DROSHA: variants seen among roughly 807,000 people sequenced by gnomAD.
DROSHA encodes the protein ribonuclease 3.
In DROSHA, 56 loss-of-function variants were observed where a neutral mutation model predicts 181.9. The ratio of observed to expected loss-of-function variants is 0.31; its 90% confidence interval spans 0.25 to 0.38. The LOEUF is 0.38. DROSHA is among the 10% of genes least tolerant of loss of function. The probability of loss-of-function intolerance (pLI) is 1.00; values close to 1 mark genes in which losing one functional copy is unlikely to be tolerated. For synonymous variants in DROSHA, 524 were observed against 591.2 expected, an observed-to-expected ratio of 0.89 and a Z score of 1.65; for missense variants, 1,218 against 1,743.5, an observed-to-expected ratio of 0.70 and a Z score of 5.37.
chr5:31,497,536 A>G (rs748485303), intron 11 of DROSHA, among the ~76,000 whole-genome samples: 13 of 152,198 alleles, frequency 8.5e-5, no homozygotes, highest in Non-Finnish European at 1.5e-4. Context: ...CCTGGTGGCA[A>G]TTTCCATAAC....
At chr5:31,515,837 G>A (rs565817058) in intron 6 of DROSHA, among the ~76,000 whole-genome samples, 1 of 152,038 alleles carries the variant, frequency 6.6e-6, no homozygotes, top group Non-Finnish European at 1.5e-5. Context: ...GCCTAATGTT[G>A]GTCCTCACAG....
chr5:31,469,610 C>A (rs1375335331), intron 17 of DROSHA, among the ~76,000 whole-genome samples: 3 of 152,156 alleles, frequency 2.0e-5, no homozygotes, highest in Non-Finnish European at 4.4e-5. Flanking sequence ...AGAATGCGAA[C>A]TGTGGAATAG....
At chr5:31,449,229 GA>G in intron 22 of DROSHA, 51 bp downstream of exon 22, 1 of 1,602,206 alleles carries the variant, frequency 6.2e-7, no homozygotes, top group Non-Finnish European at 8.5e-7. Context: ...ATTTACAACA[GA>G]AAACACAGGC....
At chr5:31,439,121 T>C (rs140297502) in intron 23 of DROSHA, among the ~76,000 whole-genome samples, 2 of 152,310 alleles carry the variant, frequency 1.3e-5, no homozygotes, top group African/African-American at 4.8e-5. Context: ...TGATAAGTTG[T>C]ATGGAATTGT....
chr5:31,529,188 C>A, intron 3 of DROSHA, 83 bp from the exon 4 acceptor site: 6 of 1,261,034 alleles, frequency 4.8e-6, no homozygotes, highest in Non-Finnish European at 5.6e-6. Context: ...ATTACCATAA[C>A]ACTAATTTTG....
rs191463486 is a variant in DROSHA, at chr5:31,523,520, A to G, written c.855-2305T>C. Among the ~76,000 whole-genome samples, 1,364 of 152,354 alleles carry G rather than the reference A, an allele frequency of 9.0e-3. 26 individuals carry two copies. Among genetic ancestry groups the G allele is most frequent in the African/African-American group, 0.031 (1,287 of 41,576 alleles). On this transcript the variant is annotated intron_variant, in intron 5 of 35. Transcript: ENST00000344624. ...CTGACAACTCCTCTAATTATAGCAT[A>G]TCAAAACAGAGGCGGAAATACAACA...
intron 28 of DROSHA, chr5:31,423,233 G>A (rs760708387): frequency 1.0e-5 from 2 of 191,866 alleles, no homozygotes; most frequent in Non-Finnish European, 1.1e-5. Flanking sequence ...AAGGAGATTC[G>A]AGCTGAAGAA....
At chr5:31,485,650 A>AAAAAAC (rs1554039002) in intron 14 of DROSHA, among the ~76,000 whole-genome samples, 5 of 149,438 alleles carry the variant, frequency 3.3e-5, no homozygotes, top group African/African-American at 1.2e-4. Context: ...AAAAAAAAAA[A>AAAAAAC]CCCTTCTAAA....
rs562613436 is a variant in DROSHA at position 31,412,645 on chromosome 5, G to T, written c.3526-1758C>A. On this transcript the variant is annotated intron_variant, in intron 30 of 35. Transcript: ENST00000344624. ...GTTGAATTTCAGGCTATGATTCTTT[G>T]CCTGTCTCTGCTTTCTTTCCTCCTC... 6.8e-4 allele frequency among the ~76,000 whole-genome samples: 104 copies of T among 152,180 alleles called. 2 individuals carry two copies. The South Asian group carries it at 0.011, about 16-fold the overall frequency.
chr5:31,520,160 G>A (rs1016999587), intron 6 of DROSHA, among the ~76,000 whole-genome samples: 1 of 151,920 alleles, frequency 6.6e-6, no homozygotes, highest in African/African-American at 2.4e-5. Flanking sequence ...TCTGCTTCTT[G>A]TGTGAAATTA....
At chr5:31,500,758 CAA>C (rs1482805533) in intron 11 of DROSHA, among the ~76,000 whole-genome samples, 1 of 152,142 alleles carries the variant, frequency 6.6e-6, no homozygotes, top group African/African-American at 2.4e-5. Flanking sequence ...AATCCTGAAA[CAA>C]GAGATGCCAG....
At chr5:31,465,792 A>G (rs1748930430) in intron 19 of DROSHA, among the ~76,000 whole-genome samples, 1 of 152,028 alleles carries the variant, frequency 6.6e-6, no homozygotes, top group African/African-American at 2.4e-5. Flanking sequence ...CTTCTGTCAT[A>G]TGACGTGCCT....
intron 10 of DROSHA, among the ~76,000 whole-genome samples, chr5:31,507,595 A>T (rs946542225): frequency 2.0e-5 from 3 of 152,140 alleles, no homozygotes; most frequent in Non-Finnish European, 4.4e-5. Context: ...CAGCCGGGGC[A>T]ACAGTGTGAG....
chr5:31,424,317 C>T, intron 28 of DROSHA, 110 bp downstream of exon 28: 1 of 1,368,662 alleles, frequency 7.3e-7, no homozygotes, highest in East Asian at 2.5e-5. Context: ...AGGCACAATG[C>T]CACCGAAGAG....
intron 5 of DROSHA, among the ~76,000 whole-genome samples, chr5:31,521,877 C>G (rs1739936440): frequency 6.6e-6 from 1 of 152,036 alleles, no homozygotes; most frequent in South Asian, 2.1e-4. Context: ...GCTTTTGAGC[C>G]TATTTAACAA....
chr5:31,439,172 T>A (rs757936218), intron 23 of DROSHA, among the ~76,000 whole-genome samples: 5 of 152,210 alleles, frequency 3.3e-5, no homozygotes, highest in Non-Finnish European at 5.9e-5. Flanking sequence ...CTTCCACTGT[T>A]TCAGTTACCC....
intron 15 of DROSHA, among the ~76,000 whole-genome samples, chr5:31,484,089 C>A (rs1264477414): frequency 1.3e-5 from 2 of 151,998 alleles, no homozygotes; most frequent in African/African-American, 4.8e-5. Flanking sequence ...ATACTTCCAA[C>A]CGCTGGGCGC....
chr5:31,401,939 T>C (rs1740055614), intron 35 of DROSHA, among the ~76,000 whole-genome samples: 1 of 152,126 alleles, frequency 6.6e-6, no homozygotes, highest in Non-Finnish European at 1.5e-5. Context: ...TACAGTAAAA[T>C]GGAGTCACAG....
rs1022510022 is a variant in DROSHA at position 31,514,580 on chromosome 5, G to A, written c.1290+408C>T. ...GAATCACTTGAGCCTGGAAGATCAA[G>A]GCTGCAGTGAGCCACGATGGTGCCA... is the stretch of plus-strand genomic sequence containing the variant. On this transcript the variant is annotated intron_variant, in intron 8 of 35. Transcript: ENST00000344624. This position sits in a 1 kb window ranked among gnomAD's most constrained non-coding sequence, Gnocchi z 4.4. 6.6e-6 allele frequency among the ~76,000 whole-genome samples: 1 copy of A among 152,184 alleles called. No homozygotes were observed. Among genetic ancestry groups the A allele is most frequent in the East Asian group, 1.9e-4 (1 of 5,188 alleles).
Sources: gnomAD v4.1 joint callset for allele counts (sites outside exome capture counted in the v4.1 genomes callset) on GRCh38, gnomAD v4.1.1 for gene constraint, Gnocchi (gnomAD v3.1) non-coding constraint, MANE v1.5 for transcripts, NCBI Gene and HGNC (gene_info 2026-07-23, HGNC 2026-07-21) for gene names.